Variants in DLC1 observed in about 807,000 individuals in gnomAD.
DLC1 encodes DLC1 Rho GTPase activating protein.
Under a neutral mutation model 140.3 loss-of-function variants are expected in DLC1, and 54 were observed. That is an observed-to-expected ratio of 0.38 (90% CI 0.31 to 0.48). The LOEUF (loss-of-function observed/expected upper bound fraction) is 0.48. Ranked by LOEUF, DLC1 falls within the 20% of genes least tolerant of loss-of-function variation. The pLI is 0.96. For synonymous variants in DLC1, 986 were observed against 728.1 expected (o/e 1.35, Z -5.70); for missense variants, 2,536 against 1,907.0 (o/e 1.33, Z -6.14).
In DLC1 at chr8:13,084,823, A is replaced by C. The variant is rs192062863; in HGVS notation, c.*988T>G. The stretch of plus-strand genomic sequence containing the variant: ...CACACATAGTTTCCTATATTCCCAA[A>C]CATAGTGTCTTAAGGCGTTTCTGTT... On this transcript the variant is annotated 3_prime_UTR_variant, in exon 18 of 18. Coordinates refer to ENST00000276297, the MANE Select transcript of DLC1 (RefSeq NM_182643.3). The C allele has an allele frequency of 8.3e-4, 127 of 152,348 alleles. No individual in the cohort carries two copies. Among genetic ancestry groups the C allele is most frequent in the African/African-American group, 2.8e-3 (118 of 41,592 alleles). 9.4% of individuals were successfully genotyped at this position (152,348 alleles called of 1,614,324 possible). A position where few individuals can be genotyped will look rare whatever the true frequency, so the allele number is the denominator to read the frequency against.
chr8:13,572,687 C>G (rs780886573), intron 1 of DLC1, among the ~76,000 whole-genome samples: 1 of 152,080 alleles, frequency 6.6e-6, no homozygotes, highest in Non-Finnish European at 1.5e-5. Flanking sequence ...TAATTTCATT[C>G]TTTTGTATGT....
At chr8:13,425,033 A>G (rs996965707) in intron 2 of DLC1, among the ~76,000 whole-genome samples, 1 of 151,860 alleles carries the variant, frequency 6.6e-6, no homozygotes, top group African/African-American at 2.4e-5. Context: ...TTTTTTTCAC[A>G]TGCCATGTGT....
intron 5 of DLC1, chr8:13,116,012 C>T (rs1009771345): frequency 1.2e-5 from 5 of 410,236 alleles, no homozygotes; most frequent in Admixed American, 6.0e-5. Flanking sequence ...GAAGCCTGGC[C>T]GGCCTATTGT....
rs745829430 is a variant in DLC1 at position 13,099,713 on chromosome 8, C to G, written c.2624G>C (p.Arg875Pro). The G allele has an allele frequency of 1.2e-6, 2 of 1,614,118 alleles. No homozygotes were observed. Among genetic ancestry groups the G allele is most frequent in the Admixed American group, 3.3e-5 (2 of 60,006 alleles). ...CGGCACGTTGTCGTAGATGCTCAGG[C>G]GGCTGCTCATGGAGCTGGAAGAATT... The part of the protein sequence containing the change: ...RRNSSSSMSS[R>P]LSIYDNVPGS... The change falls in exon 9 of 18, where the codon CGC becomes CCC. Residue 875 changes from arginine (R) to proline (P), a missense_variant. Arg to Pro is a moderately radical substitution (Grantham distance 103). Coordinates refer to ENST00000276297, the MANE Select transcript of DLC1 (RefSeq NM_182643.3).
intron 4 of DLC1, among the ~76,000 whole-genome samples, chr8:13,351,147 C>T (rs1466436142): frequency 4.6e-5 from 7 of 152,082 alleles, no homozygotes; most frequent in South Asian, 4.1e-4. Flanking sequence ...TTTCAAATAA[C>T]GAGGCTATTT....
chr8:13,104,524 T>G (rs1326185344), intron 7 of DLC1, among the ~76,000 whole-genome samples: 1 of 152,216 alleles, frequency 6.6e-6, no homozygotes, highest in Admixed American at 6.5e-5. Context: ...CAAATGAACC[T>G]GTAATGTGTC....
intron 4 of DLC1, among the ~76,000 whole-genome samples, chr8:13,380,859 AGGTT>A (rs1836221055): frequency 1.3e-5 from 2 of 152,176 alleles, no homozygotes; most frequent in Admixed American, 1.3e-4. Context: ...GCCTTCTTGG[AGGTT>A]ATAATAGGAT....
chr8:13,340,602 G>A (rs543952529), intron 4 of DLC1: 3 of 152,210 alleles, frequency 2.0e-5, no homozygotes, highest in African/African-American at 7.2e-5. Flanking sequence ...TCTTTCACAG[G>A]CCTAATGGAT....
chr8:13,285,514 T>G lies in DLC1; in HGVS notation c.1348+19755A>C, dbSNP rs75970557. 2.9e-3 allele frequency among the ~76,000 whole-genome samples: 446 copies of G among 152,246 alleles called. 4 individuals carry two copies. The highest frequency in any genetic ancestry group is 0.011 in the African/African-American group (437 of 41,528). On this transcript the variant is annotated intron_variant, in intron 5 of 17. Transcript: ENST00000276297. Reference sequence around the variant, plus strand: ...CAAATGGGCAAAAAGTTTAAACTGATACATCACAAAAGAAGATATATGAAT... The same window carrying G: ...CAAATGGGCAAAAAGTTTAAACTGAGACATCACAAAAGAAGATATATGAAT...
chr8:13,582,329 A>G (rs1805133764), intron 1 of DLC1, among the ~76,000 whole-genome samples: 1 of 152,192 alleles, frequency 6.6e-6, no homozygotes, highest in African/African-American at 2.4e-5. Flanking sequence ...CTAAATGTCA[A>G]CTTGATTGGA....
intron 2 of DLC1, among the ~76,000 whole-genome samples, chr8:13,417,689 A>G (rs1386651997): frequency 2.0e-5 from 3 of 152,144 alleles, no homozygotes; most frequent in Non-Finnish European, 4.4e-5. Flanking sequence ...ATGTGTCTTT[A>G]TAGCAGCATG....
intron 1 of DLC1, among the ~76,000 whole-genome samples, chr8:13,525,026 G>C (rs74661619): frequency 6.6e-6 from 1 of 152,038 alleles, no homozygotes; most frequent in Non-Finnish European, 1.5e-5. Context: ...CCAAGGCAAC[G>C]ACTGATCTGC....
chr8:13,468,811 C>CTTTTTT lies in DLC1; in HGVS notation c.1023+30232_1023+30237dup, dbSNP rs78775803. Among the ~76,000 whole-genome samples the CTTTTTT allele has an allele frequency of 2.4e-3, 214 of 89,952 alleles. 30 individuals carry two copies. The highest frequency in any genetic ancestry group is 7.1e-3 in the East Asian group (17 of 2,396). 59.0% of individuals were successfully genotyped at this position (89,952 alleles called of 152,430 possible). A position where few individuals can be genotyped will look rare whatever the true frequency, so the allele number is the denominator to read the frequency against. ...GTTGATTCTCCCAATTTTATGTCTG[C>CTTTTTT]TTTTTTTTTTTTTTTTTTTTTTTTT... On this transcript the variant is annotated intron_variant, in intron 2 of 17. Transcript: ENST00000276297.
chr8:13,597,137 G>A (rs1805707880), intron 1 of DLC1, among the ~76,000 whole-genome samples: 1 of 151,912 alleles, frequency 6.6e-6, no homozygotes, highest in Admixed American at 6.6e-5. Flanking sequence ...TACGTTTGCA[G>A]TTTAGGAGCC....
At chr8:13,349,655 G>T (rs150512183) in intron 4 of DLC1, among the ~76,000 whole-genome samples, 112 of 152,300 alleles carry the variant, frequency 7.4e-4, no homozygotes, top group African/African-American at 2.5e-3. Context: ...AGCTCACCAG[G>T]TATATAAGGA....
At chr8:13,169,360 T>C (rs1278471147) in intron 5 of DLC1, among the ~76,000 whole-genome samples, 3 of 152,238 alleles carry the variant, frequency 2.0e-5, no homozygotes, top group Non-Finnish European at 2.9e-5. Flanking sequence ...GGGAAAATTA[T>C]TTAATCTCTC....
intron 5 of DLC1, among the ~76,000 whole-genome samples, chr8:13,285,478 C>A (rs1831505975): frequency 6.6e-6 from 1 of 152,224 alleles, no homozygotes; most frequent in Non-Finnish European, 1.5e-5. Flanking sequence ...CTTCTTCTGA[C>A]CACATTTTAA....
At chr8:13,489,226 C>T (rs573037426) in intron 2 of DLC1, among the ~76,000 whole-genome samples, 21 of 152,182 alleles carry the variant, frequency 1.4e-4, no homozygotes, top group Admixed American at 9.2e-4. Flanking sequence ...GGATTACAGG[C>T]GTGAGCCACC....
chr8:13,497,423 A>G (rs1801565288), intron 2 of DLC1, among the ~76,000 whole-genome samples: 1 of 152,214 alleles, frequency 6.6e-6, no homozygotes, highest in Non-Finnish European at 1.5e-5. Context: ...GTTAAAGTAA[A>G]TATTCCATCA....
Sources: gnomAD v4.1 joint callset for allele counts (sites outside exome capture counted in the v4.1 genomes callset) on GRCh38, gnomAD v4.1.1 for gene constraint, MANE v1.5 for transcripts, NCBI Gene and HGNC (gene_info 2026-07-23, HGNC 2026-07-21) for gene names.